The following WSCD2 variants were observed in gnomAD, a reference collection of about 807,000 sequenced individuals.
WSCD2 encodes the protein sialate:O-sulfotransferase 2.
In WSCD2, 28 loss-of-function variants were observed where a neutral mutation model predicts 55.7. The ratio of observed to expected loss-of-function variants is 0.50; its 90% confidence interval spans 0.37 to 0.69. The LOEUF (loss-of-function observed/expected upper bound fraction) is 0.69. Ranked by LOEUF, WSCD2 falls within the 30% of genes least tolerant of loss-of-function variation. WSCD2 has a pLI of 0.00. For synonymous variants in WSCD2, 301 were observed against 301.9 expected (o/e 1.00, Z 0.03); for missense variants, 616 against 762.1 (o/e 0.81, Z 2.26).
At chr12:108,149,867 C>T (rs1333786018) in intron 1 of WSCD2, 2 of 152,176 alleles carry the variant, frequency 1.3e-5, no homozygotes, top group South Asian at 2.1e-4. Context: ...CAGGACATCA[C>T]GTACACTGGC....
chr12:108,226,968 T>C (rs1029408372), intron 5 of WSCD2, 22 bp from the exon 6 acceptor site: 2 of 1,605,836 alleles, frequency 1.2e-6, no homozygotes, highest in Non-Finnish European at 1.7e-6. Flanking sequence ...CTCTTCCTCT[T>C]CTTCTCCCAC....
chr12:108,167,077 G>T (rs1297307328), intron 1 of WSCD2, among the ~76,000 whole-genome samples: 1 of 151,996 alleles, frequency 6.6e-6, no homozygotes, highest in African/African-American at 2.4e-5. Flanking sequence ...CTCCCAAAGT[G>T]CTGGGATTAT....
At chr12:108,185,763 G>T (rs915363909) in intron 1 of WSCD2, among the ~76,000 whole-genome samples, 7 of 151,942 alleles carry the variant, frequency 4.6e-5, no homozygotes, top group Non-Finnish European at 1.0e-4. Flanking sequence ...TGCCTCTTGG[G>T]TAAACACTCT....
chr12:108,151,126 G>A (rs1371600995), intron 1 of WSCD2, among the ~76,000 whole-genome samples: 4 of 151,992 alleles, frequency 2.6e-5, no homozygotes, highest in Non-Finnish European at 4.4e-5. Flanking sequence ...ATGAGGTCCC[G>A]CAGATTCATC....
intron 1 of WSCD2, among the ~76,000 whole-genome samples, chr12:108,130,751 T>C (rs1021684528): frequency 2.6e-5 from 4 of 152,036 alleles, no homozygotes; most frequent in Non-Finnish European, 4.4e-5. Flanking sequence ...CCATTCCTAT[T>C]GGAGCCTGGG....
intron 4 of WSCD2, 140 bp from the exon 5 acceptor site, chr12:108,224,599 T>C: frequency 8.9e-7 from 1 of 1,119,224 alleles, no homozygotes; most frequent in Non-Finnish European, 1.3e-6. Context: ...ACATGGCCAC[T>C]CTTTCCATCT....
At chr12:108,216,925 C>T (rs563822914) in intron 4 of WSCD2, among the ~76,000 whole-genome samples, 1 of 152,336 alleles carries the variant, frequency 6.6e-6, no homozygotes, top group South Asian at 2.1e-4. Flanking sequence ...TGGCAAATGC[C>T]AAGAGCAGGC....
intron 1 of WSCD2, among the ~76,000 whole-genome samples, chr12:108,141,904 A>G (rs1217719476): frequency 6.6e-6 from 1 of 152,162 alleles, no homozygotes; most frequent in Non-Finnish European, 1.5e-5. Flanking sequence ...AAAGGCCTCC[A>G]AGCTGTCCCC....
chr12:108,195,879 C>G lies in WSCD2; in HGVS notation c.47C>G (p.Pro16Arg), dbSNP rs1277311292. The G allele has an allele frequency of 6.2e-7, 1 of 1,614,094 alleles. No individual in the cohort carries two copies. The highest frequency in any genetic ancestry group is 2.2e-5 in the East Asian group (1 of 44,878). ...FKFQRYFRRK[P>R]VRFFTFLALY... ...TTCCAGCGGTACTTCCGCCGGAAAC[C>G]TGTGCGCTTCTTTACCTTCCTGGCA... is the stretch of plus-strand genomic sequence containing the variant. Residue 16 changes from proline (P) to arginine (R), a missense_variant, in exon 2 of 9, where the codon CCT (proline) becomes CGT (arginine). Coordinates refer to ENST00000547525, the MANE Select transcript of WSCD2 (RefSeq NM_014653.4).
rs1883859822 is a variant in WSCD2, at chr12:108,195,954, G to A, written c.122G>A (p.Gly41Asp). Residue 41 changes from glycine to aspartate, a missense_variant, in exon 2 of 9, where the codon GGC becomes GAC. Gly to Asp is a moderately conservative substitution (Grantham distance 94). Around this residue, in one of 3 missense-constraint regions of WSCD2, gnomAD observed 374 missense variants for 467.4 expected, o/e 0.80. Coordinates refer to ENST00000547525, the MANE Select transcript of WSCD2 (RefSeq NM_014653.4). ...GTCTTCCTTCACTCTGGCTTTGTGG[G>A]CCAGCCCGCTGTCTCGGGGAACCAG... ...SLVFLHSGFV[G>D]QPAVSGNQAN... 1 of 1,614,032 alleles carries A rather than the reference G, an allele frequency of 6.2e-7. No individual in the cohort carries two copies. The highest frequency in any genetic ancestry group is 8.5e-7 in the Non-Finnish European group (1 of 1,180,042).
chr12:108,140,015 G>A (rs1242119595), intron 1 of WSCD2, among the ~76,000 whole-genome samples: 1 of 152,188 alleles, frequency 6.6e-6, no homozygotes. Context: ...GTGAGCTGAT[G>A]TGTCTAGGAT....
At chr12:108,135,531 T>C (rs1035688114) in intron 1 of WSCD2, among the ~76,000 whole-genome samples, 1 of 152,204 alleles carries the variant, frequency 6.6e-6, no homozygotes, top group African/African-American at 2.4e-5. Context: ...TTTCTCCTCC[T>C]CCTCCTTATG....
At chr12:108,172,670 G>T (rs781496203) in intron 1 of WSCD2, among the ~76,000 whole-genome samples, 1 of 152,196 alleles carries the variant, frequency 6.6e-6, no homozygotes, top group Non-Finnish European at 1.5e-5. Flanking sequence ...GCCAGCAACT[G>T]CTAGAAGCTG....
chr12:108,158,015 G>T (rs1878688415), intron 1 of WSCD2, among the ~76,000 whole-genome samples: 1 of 152,222 alleles, frequency 6.6e-6, no homozygotes, highest in African/African-American at 2.4e-5. Flanking sequence ...GCTGTCTGAG[G>T]CTGGTACCAT....
At chr12:108,236,205 A>C (rs2137210869) in intron 7 of WSCD2, among the ~76,000 whole-genome samples, 1 of 152,322 alleles carries the variant, frequency 6.6e-6, no homozygotes, top group South Asian at 2.1e-4. Context: ...GGCTGGACGC[A>C]TGTTCCCCTG....
intron 1 of WSCD2, among the ~76,000 whole-genome samples, chr12:108,182,351 C>T (rs1408986658): frequency 2.0e-5 from 3 of 152,112 alleles, no homozygotes; most frequent in Non-Finnish European, 2.9e-5. Context: ...GACTGTCTCC[C>T]GGAGAGAATT....
chr12:108,156,344 G>C (rs1366113442), intron 1 of WSCD2, among the ~76,000 whole-genome samples: 1 of 152,194 alleles, frequency 6.6e-6, no homozygotes, highest in Non-Finnish European at 1.5e-5. Context: ...AGGTTAACAA[G>C]TCAGGTTAGC....
At chr12:108,162,325 A>C (rs541264741) in intron 1 of WSCD2, among the ~76,000 whole-genome samples, 1 of 152,122 alleles carries the variant, frequency 6.6e-6, no homozygotes, top group Admixed American at 6.5e-5. Flanking sequence ...GGAGTCACCA[A>C]GCCCCCTTCA....
chr12:108,206,634 T>C (rs1205748690), intron 3 of WSCD2, among the ~76,000 whole-genome samples: 1 of 152,258 alleles, frequency 6.6e-6, no homozygotes, highest in Admixed American at 6.5e-5. Context: ...TGCAACTGTG[T>C]CATATTGTGT....
Sources: allele counts gnomAD v4.1 joint callset (sites outside exome capture counted in the v4.1 genomes callset), GRCh38; gene constraint gnomAD v4.1.1; regional missense constraint gnomAD v4.1.1; transcripts MANE v1.5; gene names NCBI Gene and HGNC (gene_info 2026-07-23, HGNC 2026-07-21).